The following ZFAT variants were observed in gnomAD, a reference collection of about 807,000 sequenced individuals.
The protein encoded by ZFAT is zinc finger protein ZFAT.
Under a neutral mutation model 117.7 loss-of-function variants are expected in ZFAT, and 64 were observed. That is an observed-to-expected ratio of 0.54 (90% CI 0.44 to 0.67). ZFAT has a LOEUF of 0.67. Ranked by LOEUF, ZFAT falls within the 30% of genes least tolerant of loss-of-function variation. The probability of loss-of-function intolerance (pLI) is 0.00; values close to 1 mark genes in which losing one functional copy is unlikely to be tolerated. For synonymous variants in ZFAT, 679 were observed against 615.0 expected (o/e 1.10, Z -1.54); for missense variants, 1,433 against 1,584.5 (o/e 0.90, Z 1.62).
chr8:134,547,162 C>A (rs917717541), intron 11 of ZFAT, among the ~76,000 whole-genome samples: 10 of 152,308 alleles, frequency 6.6e-5, no homozygotes, highest in Middle Eastern at 3.4e-3. Flanking sequence ...AGTCACCAGC[C>A]AAACTAGTGT....
chr8:134,545,868 T>A (rs75561810), intron 11 of ZFAT, among the ~76,000 whole-genome samples: 2,854 of 152,298 alleles, frequency 0.019, 80 homozygotes, highest in African/African-American at 0.066. Context: ...TCATATGTAC[T>A]ATTCTGGACA....
At chr8:134,778,019 C>A in the ZFAT span, among the ~76,000 whole-genome samples, 2 of 152,120 alleles carry the variant, frequency 1.3e-5, no homozygotes, top group African/African-American at 2.4e-5. Context: ...GTATCACTGG[C>A]CTTCTTCCTG....
intron 3 of ZFAT, among the ~76,000 whole-genome samples, chr8:134,617,742 A>G (rs1325907097): frequency 2.0e-5 from 3 of 152,222 alleles, no homozygotes; most frequent in Admixed American, 6.5e-5. Flanking sequence ...GCGCTGCCCA[A>G]CCCACCTTGC....
At chr8:134,787,946 GTTA>G in the ZFAT span, among the ~76,000 whole-genome samples, 1 of 152,030 alleles carries the variant, frequency 6.6e-6, no homozygotes, top group African/African-American at 2.4e-5. Context: ...ACCTTGATAA[GTTA>G]TTTTGTTTGT....
the ZFAT span, chr8:134,767,151 G>A: frequency 6.6e-6 from 1 of 152,170 alleles, no homozygotes; most frequent in Admixed American, 6.5e-5. Context: ...TATATGATCA[G>A]TTTTTATAAA....
At chr8:134,698,706 A>G (rs1299225033) in intron 1 of ZFAT, among the ~76,000 whole-genome samples, 1 of 152,090 alleles carries the variant, frequency 6.6e-6, no homozygotes, top group East Asian at 1.9e-4. Flanking sequence ...GGACACCCCC[A>G]GGGATCCAGG....
intron 15 of ZFAT, among the ~76,000 whole-genome samples, chr8:134,499,789 G>A (rs1818828495): frequency 6.6e-6 from 1 of 152,262 alleles, no homozygotes; most frequent in Admixed American, 6.5e-5. Flanking sequence ...GTAAGGCCGG[G>A]GGCCAGAGGG....
intron 3 of ZFAT, among the ~76,000 whole-genome samples, chr8:134,636,429 C>T (rs1372552234): frequency 6.6e-6 from 1 of 152,188 alleles, no homozygotes; most frequent in Non-Finnish European, 1.5e-5. Context: ...CTACTGGAAG[C>T]ACTTTCTAAG....
chr8:134,785,773 CT>C, the ZFAT span: 2 of 135,180 alleles, frequency 1.5e-5, no homozygotes, highest in Non-Finnish European at 3.2e-5. Context: ...CCTATTTTTC[CT>C]GTTTAAAAAA....
At chr8:134,770,950 C>T in the ZFAT span, among the ~76,000 whole-genome samples, 4 of 84,128 alleles carry the variant, frequency 4.8e-5, no homozygotes, top group Non-Finnish European at 9.0e-5. Flanking sequence ...ATCTCAAAAC[C>T]CTGTCTCCTG....
At chr8:134,672,419 AG>A (rs1166534173) in intron 1 of ZFAT, among the ~76,000 whole-genome samples, 1 of 152,214 alleles carries the variant, frequency 6.6e-6, no homozygotes, top group Non-Finnish European at 1.5e-5. Flanking sequence ...GGGTGGGGGC[AG>A]GGTGGAAGGA....
chr8:134,757,886 C>T, the ZFAT span, among the ~76,000 whole-genome samples: 7 of 152,218 alleles, frequency 4.6e-5, no homozygotes, highest in East Asian at 7.7e-4. Context: ...CAATTCAGAT[C>T]GGCATTGTGG....
In ZFAT at chr8:134,513,710, C is replaced by T. The variant is rs576878203; in HGVS notation, c.3235-1109G>A. Among the ~76,000 whole-genome samples the T allele has an allele frequency of 1.5e-4, 23 of 152,256 alleles. No individual in the cohort carries two copies. The South Asian group carries it at 1.7e-3, about 11-fold the overall frequency. On this transcript the variant is annotated intron_variant, in intron 13 of 15. Coordinates refer to ENST00000377838, the MANE Select transcript of ZFAT (RefSeq NM_020863.4). ...ACTGTAAGGCTGGATGCATGAATGT[C>T]ACCAATCAAGAAGAACAAAAAGAAG...
At chr8:134,663,133 G>A (rs573661568) in intron 1 of ZFAT, among the ~76,000 whole-genome samples, 34 of 152,280 alleles carry the variant, frequency 2.2e-4, no homozygotes, top group Middle Eastern at 6.8e-3. Flanking sequence ...CTTCGTGATC[G>A]TCCAAAACTA....
intron 2 of ZFAT, among the ~76,000 whole-genome samples, chr8:134,646,775 A>G (rs908914805): frequency 6.6e-6 from 1 of 152,226 alleles, no homozygotes; most frequent in Non-Finnish European, 1.5e-5. Flanking sequence ...CAACAATTAT[A>G]TGCCAACCAA....
At chr8:134,664,062 C>T (rs1233171158) in intron 1 of ZFAT, among the ~76,000 whole-genome samples, 2 of 152,148 alleles carry the variant, frequency 1.3e-5, no homozygotes, top group Non-Finnish European at 2.9e-5. Flanking sequence ...TCTTGAAAGG[C>T]AGCCAGACCT....
chr8:134,492,004 GT>G (rs1201481371), intron 15 of ZFAT, among the ~76,000 whole-genome samples: 3 of 148,648 alleles, frequency 2.0e-5, no homozygotes, highest in Non-Finnish European at 4.5e-5. Flanking sequence ...GGACACTAGA[GT>G]TTTTTTGTTT....
the ZFAT span, among the ~76,000 whole-genome samples, chr8:134,783,060 C>T: frequency 1.3e-5 from 2 of 152,028 alleles, no homozygotes; most frequent in Non-Finnish European, 2.9e-5. Context: ...AATGCATATA[C>T]ATCTTTAGTA....
rs80221663 is a variant in ZFAT at position 134,707,459 on chromosome 8, C to T, written c.19+5386G>A. On this transcript the variant is annotated intron_variant, in intron 1 of 15. Coordinates refer to ENST00000377838, the MANE Select transcript of ZFAT (RefSeq NM_020863.4). ...AAAATTAATAAGCAATAATAATAAC[C>T]CTAAGGGGCAGAGAAATGGTAGCCA... is the stretch of plus-strand genomic sequence containing the variant. Among the ~76,000 whole-genome samples the T allele has an allele frequency of 1.0e-3, 153 of 152,156 alleles. 1 individual carries two copies. The East Asian group carries it at 0.023, about 23-fold the overall frequency.
Sources: gnomAD v4.1 joint callset for allele counts (sites outside exome capture counted in the v4.1 genomes callset) on GRCh38, gnomAD v4.1.1 for gene constraint, MANE v1.5 for transcripts, NCBI Gene and HGNC (gene_info 2026-07-23, HGNC 2026-07-21) for gene names.